The following MBD5 variants were observed in gnomAD, a reference collection of about 807,000 sequenced individuals.
MBD5 encodes methyl-CpG binding domain protein 5.
MBD5 carries 13 observed loss-of-function variants against 117.3 expected under a neutral mutation model. The ratio of observed to expected loss-of-function variants is 0.11; its 90% CI spans 0.07 to 0.18. The LOEUF is 0.18. MBD5 is among the 10% of genes least tolerant of loss of function. The pLI is 1.00. For missense variants in MBD5, 1,879 were observed against 2,093.8 expected (o/e 0.90, Z 2.00); for synonymous variants, 727 against 766.4 (o/e 0.95, Z 0.85).
At chr2:148,368,331 TA>T (rs1211849933) in intron 4 of MBD5, among the ~76,000 whole-genome samples, 2 of 151,818 alleles carry the variant, frequency 1.3e-5, no homozygotes, top group African/African-American at 2.4e-5. Flanking sequence ...TGTCAGGGGT[TA>T]GGGGGTATGG....
At chr2:148,294,460 G>A (rs1392881448) in intron 3 of MBD5, among the ~76,000 whole-genome samples, 4 of 145,756 alleles carry the variant, frequency 2.7e-5, no homozygotes, top group South Asian at 2.1e-4. Flanking sequence ...TCCTGACCTC[G>A]TGATCCGCCT....
chr2:148,269,885 A>G (rs1040255915), intron 3 of MBD5, among the ~76,000 whole-genome samples: 30 of 151,256 alleles, frequency 2.0e-4, no homozygotes, highest in Admixed American at 9.9e-4. Flanking sequence ...TATTTTACCC[A>G]CCCAGTGCTA....
rs191944784 is a variant in MBD5 at position 148,253,690 on chromosome 2, C to T, written c.-680+20295C>T. Among the ~76,000 whole-genome samples, 227 of 152,206 alleles carry T rather than the reference C, an allele frequency of 1.5e-3. 1 individual carries two copies. Among genetic ancestry groups the T allele is most frequent in the Non-Finnish European group, 2.7e-3 (187 of 68,020 alleles). ...CCGAGGGGAGTCAGTGGGTGAGTGGCGGGTAGCTGGAAAAACACTCAAGGA... is the reference window on the plus strand; with the variant it reads ...CCGAGGGGAGTCAGTGGGTGAGTGGTGGGTAGCTGGAAAAACACTCAAGGA... On this transcript the variant is annotated intron_variant, in intron 3 of 13. Transcript: ENST00000642680.
chr2:148,433,927 A>ATT (rs1706072277), intron 4 of MBD5, among the ~76,000 whole-genome samples: 1 of 125,350 alleles, frequency 8.0e-6, no homozygotes, highest in Admixed American at 7.8e-5. Context: ...GTTTGTTTTC[A>ATT]TTTTTCTTTT....
At chr2:148,104,814 T>G (rs915453541) in intron 1 of MBD5, among the ~76,000 whole-genome samples, 1 of 152,162 alleles carries the variant, frequency 6.6e-6, no homozygotes, top group Non-Finnish European at 1.5e-5. Flanking sequence ...CTTTCATGTT[T>G]ACAAATTGCC....
At chr2:148,264,914 A>G (rs1700820334) in intron 3 of MBD5, 1 of 152,166 alleles carries the variant, frequency 6.6e-6, no homozygotes, top group Non-Finnish European at 1.5e-5. Context: ...AGTTTGGTTA[A>G]CAAAGGTCAC....
intron 12 of MBD5, among the ~76,000 whole-genome samples, chr2:148,502,796 A>G (rs775459303): frequency 6.6e-5 from 10 of 152,248 alleles, no homozygotes; most frequent in Non-Finnish European, 1.3e-4. Context: ...AAATATAATT[A>G]ATATTCTCAA....
chr2:148,087,465 T>A (rs1232992097), intron 1 of MBD5, among the ~76,000 whole-genome samples: 3 of 152,186 alleles, frequency 2.0e-5, no homozygotes, highest in African/African-American at 7.2e-5. Context: ...AGAGTCTACT[T>A]CACTCCCTGC....
At chr2:148,226,305 T>A (rs1221137397) in intron 2 of MBD5, among the ~76,000 whole-genome samples, 1 of 151,986 alleles carries the variant, frequency 6.6e-6, no homozygotes, top group Non-Finnish European at 1.5e-5. Flanking sequence ...ATGTTCCCCC[T>A]CCTGTGTCCA....
intron 3 of MBD5, among the ~76,000 whole-genome samples, chr2:148,291,605 CTTG>C (rs1249321916): frequency 6.6e-6 from 1 of 152,074 alleles, no homozygotes; most frequent in Non-Finnish European, 1.5e-5. Flanking sequence ...TTTTGCTGAA[CTTG>C]TTAATTTTTG....
Position 148,516,954 on chromosome 2 carries a change from C to T in MBD5, c.*4013C>T. 6.6e-6 allele frequency: 1 copy of T among 152,166 alleles called. No individual in the cohort carries two copies. The highest frequency in any genetic ancestry group is 1.9e-4 in the East Asian group (1 of 5,200). The allele number at this position is 152,166 out of a possible 1,614,324, so 9.4% of individuals were successfully genotyped here. On this transcript the variant is annotated 3_prime_UTR_variant, in exon 14 of 14. Transcript: ENST00000642680. ...TGCCTTTATGGATTAAGTATAAATA[C>T]ACTGGATTGTCTATGTAGAAGTGTA...
intron 4 of MBD5, among the ~76,000 whole-genome samples, chr2:148,391,548 A>G (rs1427072152): frequency 6.6e-6 from 1 of 152,134 alleles, no homozygotes; most frequent in Non-Finnish European, 1.5e-5. Context: ...TTTTGACATC[A>G]TATATTTCAC....
At chr2:148,360,676 T>C (rs1703506492) in intron 4 of MBD5, among the ~76,000 whole-genome samples, 1 of 152,114 alleles carries the variant, frequency 6.6e-6, no homozygotes, top group African/African-American at 2.4e-5. Flanking sequence ...AGGTAGAGTG[T>C]GCTGCATTGC....
chr2:148,458,302 T>C lies in MBD5; in HGVS notation c.-457T>C, dbSNP rs146389489. 2.1e-3 allele frequency: 877 copies of C among 408,716 alleles called. 23 individuals carry two copies. The East Asian group carries it at 0.03, about 14-fold the overall frequency. The allele number at this position is 408,716 out of a possible 1,614,324, so 25.3% of individuals were successfully genotyped here. A position where few individuals can be genotyped will look rare whatever the true frequency, so the allele number is the denominator to read the frequency against. Reference sequence around the variant, plus strand: ...AGATAAAGAGAAAGTTTAAAGAATGTGGCCTATAAAGGCGGGTACCTGGAA... The same window carrying C: ...AGATAAAGAGAAAGTTTAAAGAATGCGGCCTATAAAGGCGGGTACCTGGAA... On this transcript the variant is annotated 5_prime_UTR_variant, in exon 5 of 14. Transcript: ENST00000642680.
chr2:148,367,107 A>G (rs892505924), intron 4 of MBD5, among the ~76,000 whole-genome samples: 9 of 152,226 alleles, frequency 5.9e-5, no homozygotes, highest in African/African-American at 1.7e-4. Context: ...TGAAAACAGC[A>G]TGGTACTGGT....
intron 3 of MBD5, among the ~76,000 whole-genome samples, chr2:148,311,756 CA>C (rs1411350604): frequency 6.6e-6 from 1 of 152,172 alleles, no homozygotes. Context: ...ATGGACTTTA[CA>C]ATTTGTTATG....
At chr2:148,413,123 G>T (rs1439429049) in intron 4 of MBD5, among the ~76,000 whole-genome samples, 1 of 151,664 alleles carries the variant, frequency 6.6e-6, no homozygotes, top group African/African-American at 2.4e-5. Flanking sequence ...TTATTTTGAG[G>T]TATGGTATGT....
intron 1 of MBD5, chr2:148,028,288 A>G (rs1003149198): frequency 6.6e-6 from 1 of 152,096 alleles, no homozygotes; most frequent in Admixed American, 6.5e-5. Context: ...TTTTGTACAC[A>G]TATGCTTCAC....
At chr2:148,319,543 G>A (rs532794440) in intron 3 of MBD5, among the ~76,000 whole-genome samples, 1 of 152,050 alleles carries the variant, frequency 6.6e-6, no homozygotes, top group East Asian at 1.9e-4. Context: ...TTCTTCATTT[G>A]GTCCTTTACT....
Sources: allele counts gnomAD v4.1 joint callset (sites outside exome capture counted in the v4.1 genomes callset), GRCh38; gene constraint gnomAD v4.1.1; transcripts MANE v1.5; gene names NCBI Gene and HGNC (gene_info 2026-07-23, HGNC 2026-07-21).